Variants in RPS15 observed in about 807,000 individuals in gnomAD.
The protein encoded by RPS15 is ribosomal protein S15.
A neutral mutation model predicts 14.9 loss-of-function variants in RPS15; 5 were observed. The ratio of observed to expected loss-of-function variants is 0.34; its 90% CI spans 0.18 to 0.70. The LOEUF (loss-of-function observed/expected upper bound fraction) is 0.70, where lower values mean the gene tolerates loss of function less well. Among genes scored for constraint, RPS15 ranks in the 30% least tolerant of loss-of-function variants. The pLI is 0.65. For synonymous variants in RPS15, 103 were observed against 85.0 expected, an observed-to-expected ratio of 1.21 and a Z score of -1.16; for missense variants, 102 against 204.2, an observed-to-expected ratio of 0.50 and a Z score of 3.05.
chr19:1,439,968 G>C, intron 2 of RPS15, 51 bp from the exon 3 acceptor site: 1 of 1,439,066 alleles, frequency 6.9e-7, no homozygotes, highest in Non-Finnish European at 9.5e-7. Flanking sequence ...GAGTGCGTAG[G>C]GTCTCCCCAG....
In RPS15 at chr19:1,438,714, C is replaced by T. The variant is rs2144987674; in HGVS notation, c.4-93C>T. The T allele has an allele frequency of 2.6e-6, 4 of 1,532,134 alleles. No homozygotes were observed. The highest frequency in any genetic ancestry group is 4.9e-5 in the East Asian group (2 of 40,770). The allele number at this position is 1,532,134 out of a possible 1,614,324, so 94.9% of individuals were successfully genotyped here. On this transcript the variant is annotated intron_variant, in intron 1 of 3. Coordinates refer to ENST00000592588, the MANE Select transcript of RPS15 (RefSeq NM_001018.5). The surrounding 1 kb of genome is among the most constrained non-coding windows in gnomAD (Gnocchi z 4.8). ...GTCCCTGTCGGGCTTCTGTCCCCGG[C>T]GGCGCCGCGCGTCTTCCGCGGTGTC...
intron 2 of RPS15, 105 bp from the exon 3 acceptor site, chr19:1,439,914 G>A (rs1319237503): frequency 1.6e-5 from 15 of 945,138 alleles, no homozygotes; most frequent in Non-Finnish European, 2.0e-5. Context: ...GTCCACTGCG[G>A]CTCTGTCCCT....
intron 2 of RPS15, chr19:1,439,419 C>T (rs1335410242): frequency 5.6e-6 from 1 of 177,116 alleles, no homozygotes; most frequent in Non-Finnish European, 1.2e-5. Flanking sequence ...CCCCCCACCA[C>T]GTCCGGCTAA....
chr19:1,439,593 C>T, intron 2 of RPS15: 1 of 410,248 alleles, frequency 2.4e-6, no homozygotes, highest in Non-Finnish European at 4.4e-6. Context: ...CAGCGTTTCT[C>T]TGTGTCGTCC....
In RPS15 at chr19:1,440,265, C is replaced by T; in HGVS notation, c.324+12C>T. Reference sequence around the variant, plus strand: ...AGGTGGAGATCAAGGTGTGTGCGGCCGTCCCTGCCGGCTGGGGTGGGCTGG... The same window carrying T: ...AGGTGGAGATCAAGGTGTGTGCGGCTGTCCCTGCCGGCTGGGGTGGGCTGG... On this transcript the variant is annotated intron_variant, in intron 3 of 3. Coordinates refer to ENST00000592588, the MANE Select transcript of RPS15 (RefSeq NM_001018.5). The T allele has an allele frequency of 2.5e-6, 4 of 1,611,638 alleles. No homozygotes were observed. Among genetic ancestry groups the T allele is most frequent in the Non-Finnish European group, 3.4e-6 (4 of 1,178,870 alleles).
Position 1,438,886 on chromosome 19 carries a change from T to C in RPS15, c.83T>C (p.Met28Thr). The C allele has an allele frequency of 6.3e-7, 1 of 1,580,596 alleles. No homozygotes were observed. Among genetic ancestry groups the C allele is most frequent in the Non-Finnish European group, 8.6e-7 (1 of 1,163,750 alleles). ...RGVDLDQLLD[M>T]SYEQLMQLYS... is the part of the protein sequence containing the mutation. ...GTGGACCTCGACCAGCTGCTGGACA[T>C]GTCCTAGTAAGGGCGGCCGCGGGGG... Residue 28 changes from methionine (M) to threonine (T), a missense_variant, in exon 2 of 4, where the codon ATG becomes ACG. By Grantham distance (81) the Met-to-Thr change is moderately conservative (BLOSUM62 -1). This residue lies in a region of RPS15 where 70 missense variants were observed against 96.8 expected (regional missense o/e 0.72). Coordinates refer to ENST00000592588, the MANE Select transcript of RPS15 (RefSeq NM_001018.5). This position sits in a 1 kb window ranked among gnomAD's most constrained non-coding sequence, Gnocchi z 4.8.
rs1335197648 is a variant in RPS15 at position 1,438,992 on chromosome 19, T to A, written c.89+100T>A. On this transcript the variant is annotated intron_variant, in intron 2 of 3. Coordinates refer to ENST00000592588, the MANE Select transcript of RPS15 (RefSeq NM_001018.5). The surrounding 1 kb of genome is among the most constrained non-coding windows in gnomAD (Gnocchi z 4.8). ...GGGGGTCCAAGCGCCTCTGCGGCGG[T>A]GGGCGGGCACGGTCTCCGCGCGGGT... 2.6e-5 allele frequency: 18 copies of A among 700,976 alleles called. No homozygotes were observed. Among genetic ancestry groups the A allele is most frequent in the Non-Finnish European group, 4.1e-5 (18 of 436,890 alleles). The allele number at this position is 700,976 out of a possible 1,614,324, so 43.4% of individuals were successfully genotyped here. A position where few individuals can be genotyped will look rare whatever the true frequency, so the allele number is the denominator to read the frequency against.
In RPS15 at chr19:1,438,755, C is replaced by T. The variant is rs1351363946; in HGVS notation, c.4-52C>T. The stretch of plus-strand genomic sequence containing the variant: ...CCGCGGTGTCCTCGGGCCCGGTGGC[C>T]CCGGGAGATGGGTGTCGGGATCCCG... On this transcript the variant is annotated intron_variant, in intron 1 of 3. Transcript: ENST00000592588. This position sits in a 1 kb window ranked among gnomAD's most constrained non-coding sequence, Gnocchi z 4.8. 6.4e-7 allele frequency: 1 copy of T among 1,550,904 alleles called. No individual in the cohort carries two copies. Among genetic ancestry groups the T allele is most frequent in the African/African-American group, 1.4e-5 (1 of 73,238 alleles).
rs2050909352 is a variant in RPS15, at chr19:1,438,438, G to A, written c.3+10G>A. ...AGGATCCGGCAAGATGGTGAGTGTT[G>A]CGATTTGGCGCGTCTCTGCCGGGCC... On this transcript the variant is annotated intron_variant, in intron 1 of 3. Coordinates refer to ENST00000592588, the MANE Select transcript of RPS15 (RefSeq NM_001018.5). This position sits in a 1 kb window ranked among gnomAD's most constrained non-coding sequence, Gnocchi z 4.8. 2.5e-6 allele frequency: 4 copies of A among 1,613,416 alleles called. No individual in the cohort carries two copies. The highest frequency in any genetic ancestry group is 3.4e-6 in the Non-Finnish European group (4 of 1,179,892).
Position 1,440,005 on chromosome 19 carries a change from T to G in RPS15, c.90-14T>G. 6.5e-7 allele frequency: 1 copy of G among 1,544,312 alleles called. No individual in the cohort carries two copies. Among genetic ancestry groups the G allele is most frequent in the African/African-American group, 1.4e-5 (1 of 73,152 alleles). ...CCGGGCCGCTCACAAAACTGCCTGGTGCATCCTCCCCAGCGAGCAGCTGAT... is the reference window on the plus strand; with the variant it reads ...CCGGGCCGCTCACAAAACTGCCTGGGGCATCCTCCCCAGCGAGCAGCTGAT... On this transcript the variant is annotated splice_polypyrimidine_tract_variant and intron_variant, in intron 2 of 3. Coordinates refer to ENST00000592588, the MANE Select transcript of RPS15 (RefSeq NM_001018.5).
chr19:1,440,337 G>T lies in RPS15; in HGVS notation c.325-12G>T, dbSNP rs1279965519. ...TCAGCTGACACCCAGCTTTGCTCTTGGTCTCCCGCAGCCCGAGATGATCGG... is the reference window on the plus strand; with the variant it reads ...TCAGCTGACACCCAGCTTTGCTCTTTGTCTCCCGCAGCCCGAGATGATCGG... On this transcript the variant is annotated splice_polypyrimidine_tract_variant and intron_variant, in intron 3 of 3. Transcript: ENST00000592588. The T allele has an allele frequency of 3.7e-6, 6 of 1,613,340 alleles. No individual in the cohort carries two copies. Among genetic ancestry groups the T allele is most frequent in the Non-Finnish European group, 5.1e-6 (6 of 1,179,450 alleles).
rs760463271 is a variant in RPS15, at chr19:1,438,491, T to C, written c.3+63T>C. 1.9e-5 allele frequency: 30 copies of C among 1,612,298 alleles called. No homozygotes were observed. In the Middle Eastern group the frequency reaches 1.8e-3, roughly 98 times the overall value. On this transcript the variant is annotated intron_variant, in intron 1 of 3. Coordinates refer to ENST00000592588, the MANE Select transcript of RPS15 (RefSeq NM_001018.5). This position sits in a 1 kb window ranked among gnomAD's most constrained non-coding sequence, Gnocchi z 4.8. ...TCCGGCTCCATCCAACCTCTGACCG[T>C]CTCGCGGGGGCCGCAGTTCGTCCCC...
At chr19:1,439,903 G>A (rs886987155) in intron 2 of RPS15, 116 bp from the exon 3 acceptor site, 17 of 840,860 alleles carry the variant, frequency 2.0e-5, no homozygotes, top group Middle Eastern at 3.3e-4. Context: ...GACAGTGACA[G>A]GTCCACTGCG....
Position 1,438,423 on chromosome 19 carries a change from A to C in RPS15, c.-3A>C, listed in dbSNP as rs1230286424. 1.2e-6 allele frequency: 2 copies of C among 1,613,474 alleles called. No individual in the cohort carries two copies. Among genetic ancestry groups the C allele is most frequent in the South Asian group, 2.2e-5 (2 of 91,084 alleles). ...AAGCGATCTCTTCTGAGGATCCGGC[A>C]AGATGGTGAGTGTTGCGATTTGGCG... On this transcript the variant is annotated 5_prime_UTR_variant, in exon 1 of 4. Transcript: ENST00000592588. The surrounding 1 kb of genome is among the most constrained non-coding windows in gnomAD (Gnocchi z 4.8).
intron 2 of RPS15, chr19:1,439,172 C>A: frequency 2.3e-6 from 1 of 433,634 alleles, no homozygotes; most frequent in Non-Finnish European, 4.1e-6. Context: ...TAAGGGGCTG[C>A]GTTAGACTCC....
At position 1,440,370 on chromosome 19, in the gene RPS15, C is replaced by T; in HGVS notation, c.346C>T (p.Leu116=). The change falls in exon 4 of 4, where the codon CTG becomes TTG. Residue 116 remains leucine, a synonymous_variant. Coordinates refer to ENST00000592588, the MANE Select transcript of RPS15 (RefSeq NM_001018.5). ...EIKPEMIGHY[L]GEFSITYKPV... ...GCAGCCCGAGATGATCGGCCACTAC[C>T]TGGGCGAGTTCTCCATCACCTACAA... 6.2e-7 allele frequency: 1 copy of T among 1,614,042 alleles called. No homozygotes were observed. Among genetic ancestry groups the T allele is most frequent in the African/African-American group, 1.3e-5 (1 of 75,070 alleles).
At position 1,438,541 on chromosome 19, in the gene RPS15, C is replaced by T. The variant is rs776589261; in HGVS notation, c.3+113C>T. On this transcript the variant is annotated intron_variant, in intron 1 of 3. Transcript: ENST00000592588. The surrounding 1 kb of genome is among the most constrained non-coding windows in gnomAD (Gnocchi z 4.8). ...CGCGGCTACGGCGGCTTGCTCCCGACCCTGCAGGCGGCTGGATGTTGGGGC... is the reference window on the plus strand; with the variant it reads ...CGCGGCTACGGCGGCTTGCTCCCGATCCTGCAGGCGGCTGGATGTTGGGGC... 5.0e-6 allele frequency: 8 copies of T among 1,591,470 alleles called. No individual in the cohort carries two copies. The African/African-American group carries it at 9.4e-5, about 19-fold the overall frequency.
In RPS15 at chr19:1,438,767, G is replaced by T; in HGVS notation, c.4-40G>T. The T allele has an allele frequency of 6.4e-7, 1 of 1,564,704 alleles. No homozygotes were observed. The highest frequency in any genetic ancestry group is 8.7e-7 in the Non-Finnish European group (1 of 1,154,996). On this transcript the variant is annotated intron_variant, in intron 1 of 3. Transcript: ENST00000592588. This position sits in a 1 kb window ranked among gnomAD's most constrained non-coding sequence, Gnocchi z 4.8. ...CGGGCCCGGTGGCCCCGGGAGATGG[G>T]TGTCGGGATCCCGCTGACGCCCGAT...
At position 1,438,966 on chromosome 19, in the gene RPS15, C is replaced by T. The variant is rs2083631561; in HGVS notation, c.89+74C>T. ...GCTTGTCCGGGTGAGGGCGGCGGGGCGGGGGTCCAAGCGCCTCTGCGGCGG... is the reference window on the plus strand; with the variant it reads ...GCTTGTCCGGGTGAGGGCGGCGGGGTGGGGGTCCAAGCGCCTCTGCGGCGG... On this transcript the variant is annotated intron_variant, in intron 2 of 3. Transcript: ENST00000592588. This position sits in a 1 kb window ranked among gnomAD's most constrained non-coding sequence, Gnocchi z 4.8. 2 of 645,802 alleles carry T rather than the reference C, an allele frequency of 3.1e-6. No individual in the cohort carries two copies. Among genetic ancestry groups the T allele is most frequent in the East Asian group, 6.0e-5 (1 of 16,606 alleles). The allele number at this position is 645,802 out of a possible 1,614,324, so 40.0% of individuals were successfully genotyped here.
Sources: gnomAD v4.1 joint callset for allele counts on GRCh38, gnomAD v4.1.1 for gene constraint, gnomAD v4.1.1 regional missense constraint, Gnocchi (gnomAD v3.1) non-coding constraint, MANE v1.5 for transcripts, NCBI Gene and HGNC (gene_info 2026-07-23, HGNC 2026-07-21) for gene names.